Variants in CDK6 observed in about 807,000 individuals in gnomAD.
CDK6 encodes the protein cyclin-dependent kinase 6.
CDK6 carries 6 observed loss-of-function variants against 37.1 expected under a neutral mutation model. The ratio of observed to expected loss-of-function variants is 0.16; its 90% CI spans 0.09 to 0.32. CDK6 has a LOEUF of 0.32. Among genes scored for constraint, CDK6 ranks in the 10% least tolerant of loss-of-function variants. CDK6 has a pLI of 1.00. For missense variants in CDK6, 224 were observed against 418.9 expected, an observed-to-expected ratio of 0.53 and a Z score of 4.06; for synonymous variants, 160 against 161.3, an observed-to-expected ratio of 0.99 and a Z score of 0.06.
At chr7:92,664,492 C>T (rs889935081) in intron 5 of CDK6, among the ~76,000 whole-genome samples, 2 of 152,186 alleles carry the variant, frequency 1.3e-5, no homozygotes, top group Non-Finnish European at 2.9e-5. Flanking sequence ...TGCTCACTGA[C>T]CACTGACCCA....
intron 4 of CDK6, among the ~76,000 whole-genome samples, chr7:92,680,559 A>T (rs1274231950): frequency 1.3e-5 from 2 of 152,052 alleles, no homozygotes; most frequent in Non-Finnish European, 2.9e-5. Flanking sequence ...TGGCAAAAAA[A>T]TGTCTGAGGT....
intron 4 of CDK6, among the ~76,000 whole-genome samples, chr7:92,690,262 ACATTT>A (rs1314242805): frequency 1.3e-5 from 2 of 152,042 alleles, no homozygotes; most frequent in Non-Finnish European, 2.9e-5. Context: ...TTTGGGTTTT[ACATTT>A]AAGTCTTTAA....
At chr7:92,743,049 C>T (rs1016475365) in intron 3 of CDK6, among the ~76,000 whole-genome samples, 9 of 151,660 alleles carry the variant, frequency 5.9e-5, no homozygotes, top group Non-Finnish European at 7.4e-5. Context: ...GCTGCCCTTT[C>T]TCGGTGAAGA....
intron 2 of CDK6, among the ~76,000 whole-genome samples, chr7:92,822,912 T>A (rs1386149343): frequency 6.6e-6 from 1 of 152,084 alleles, no homozygotes; most frequent in Non-Finnish European, 1.5e-5. Flanking sequence ...CTACTCACTA[T>A]CCCAAGTTCT....
chr7:92,740,768 G>A lies in CDK6; in HGVS notation c.370-14975C>T, dbSNP rs117510511. Among the ~76,000 whole-genome samples, 31 of 152,246 alleles carry A rather than the reference G, an allele frequency of 2.0e-4. No individual in the cohort carries two copies. The East Asian group carries it at 5.6e-3, about 28-fold the overall frequency. ...ACAAGGATGCCTTGTCTCATGGAGC[G>A]AACAGTGAAGGCGGGAAACCGAATT... is the stretch of plus-strand genomic sequence containing the variant. On this transcript the variant is annotated intron_variant, in intron 3 of 7. Coordinates refer to ENST00000424848, the MANE Select transcript of CDK6 (RefSeq NM_001145306.2).
chr7:92,761,277 A>C (rs1185336451), intron 3 of CDK6, among the ~76,000 whole-genome samples: 1 of 152,180 alleles, frequency 6.6e-6, no homozygotes, highest in East Asian at 1.9e-4. Flanking sequence ...CATTTAAAAA[A>C]TTAATAATAG....
intron 5 of CDK6, among the ~76,000 whole-genome samples, chr7:92,624,652 C>T (rs939681059): frequency 2.0e-5 from 3 of 152,106 alleles, no homozygotes; most frequent in African/African-American, 4.8e-5. Context: ...CACGAAGTTG[C>T]GCTCTGAAAG....
At chr7:92,622,709 T>A (rs912920009) in intron 6 of CDK6, among the ~76,000 whole-genome samples, 1 of 152,014 alleles carries the variant, frequency 6.6e-6, no homozygotes, top group Admixed American at 6.6e-5. Context: ...AGGCATCCCA[T>A]CTCTGATGGT....
intron 5 of CDK6, among the ~76,000 whole-genome samples, chr7:92,632,542 A>G (rs1796076683): frequency 6.6e-6 from 1 of 152,168 alleles, no homozygotes; most frequent in Non-Finnish European, 1.5e-5. Flanking sequence ...AGTGTCTAGT[A>G]TTGTGAGTTT....
chr7:92,622,057 T>C (rs1585342829), intron 6 of CDK6, among the ~76,000 whole-genome samples: 2 of 150,518 alleles, frequency 1.3e-5, no homozygotes, highest in South Asian at 2.2e-4. Flanking sequence ...TAAAAATCAC[T>C]GGGATTCCTA....
At chr7:92,654,693 T>C (rs907343484) in intron 5 of CDK6, among the ~76,000 whole-genome samples, 4 of 152,150 alleles carry the variant, frequency 2.6e-5, no homozygotes, top group South Asian at 2.1e-4. Flanking sequence ...AACAGCACTA[T>C]GGAGCTCTCA....
chr7:92,782,463 A>G (rs1022118589), intron 2 of CDK6, among the ~76,000 whole-genome samples: 1 of 152,160 alleles, frequency 6.6e-6, no homozygotes, highest in African/African-American at 2.4e-5. Flanking sequence ...CCCTGGATTG[A>G]GTGATGATGA....
At chr7:92,756,816 G>T (rs891037422) in intron 3 of CDK6, among the ~76,000 whole-genome samples, 1 of 152,144 alleles carries the variant, frequency 6.6e-6, no homozygotes, top group Non-Finnish European at 1.5e-5. Flanking sequence ...GGCAAGAAGC[G>T]CAAGACCAGA....
Position 92,835,306 on chromosome 7 carries a change from G to C in CDK6, c.-368+1172C>G, listed in dbSNP as rs1185535690. 1 of 150,556 alleles carries C rather than the reference G, an allele frequency of 6.6e-6. No individual in the cohort carries two copies. The highest frequency in any genetic ancestry group is 2.5e-5 in the African/African-American group (1 of 40,692). 9.3% of individuals were successfully genotyped at this position (150,556 alleles called of 1,614,324 possible). ...CCCTCCCGCTCGAGTCTAGCCCCGGGCTCCGCAGCGAAGGAAGCGTCGGGG... is the reference window on the plus strand; with the variant it reads ...CCCTCCCGCTCGAGTCTAGCCCCGGCCTCCGCAGCGAAGGAAGCGTCGGGG... On this transcript the variant is annotated intron_variant, in intron 1 of 7. Coordinates refer to ENST00000424848, the MANE Select transcript of CDK6 (RefSeq NM_001145306.2). The surrounding 1 kb of genome is among the most constrained non-coding windows in gnomAD (Gnocchi z 4.2).
intron 2 of CDK6, among the ~76,000 whole-genome samples, chr7:92,785,995 G>C (rs1052618597): frequency 1.3e-4 from 20 of 152,168 alleles, no homozygotes; most frequent in African/African-American, 4.6e-4. Context: ...ACCCGACAGA[G>C]CTTGAAAAAG....
chr7:92,640,902 T>C (rs889672001), intron 5 of CDK6, among the ~76,000 whole-genome samples: 10 of 152,322 alleles, frequency 6.6e-5, no homozygotes, highest in African/African-American at 2.4e-4. Flanking sequence ...CCTTAAAGTC[T>C]TGCAAATTTC....
intron 5 of CDK6, among the ~76,000 whole-genome samples, chr7:92,639,184 A>G (rs1585358084): frequency 6.6e-6 from 1 of 152,212 alleles, no homozygotes; most frequent in Admixed American, 6.5e-5. Context: ...GCCTCCTTAA[A>G]GTTCTTGAAA....
chr7:92,679,015 G>A lies in CDK6; in HGVS notation c.538-7480C>T, dbSNP rs143015780. On this transcript the variant is annotated intron_variant, in intron 4 of 7. Coordinates refer to ENST00000424848, the MANE Select transcript of CDK6 (RefSeq NM_001145306.2). ...TAACTGCTTCCCCTCTTCTTCTAGG[G>A]CCTGGGAATGGTAATGAACTGACTG... 5.1e-3 allele frequency among the ~76,000 whole-genome samples: 775 copies of A among 152,224 alleles called. 7 individuals are homozygous for A. Among genetic ancestry groups the A allele is most frequent in the African/African-American group, 0.018 (739 of 41,538 alleles).
At chr7:92,830,749 G>A (rs1028783139) in intron 2 of CDK6, among the ~76,000 whole-genome samples, 1 of 152,198 alleles carries the variant, frequency 6.6e-6, no homozygotes, top group African/African-American at 2.4e-5. Flanking sequence ...TGTAGCTCAT[G>A]AGGGTGACAT....
Sources: gnomAD v4.1 joint callset for allele counts (sites outside exome capture counted in the v4.1 genomes callset) on GRCh38, gnomAD v4.1.1 for gene constraint, Gnocchi (gnomAD v3.1) non-coding constraint, MANE v1.5 for transcripts, NCBI Gene and HGNC (gene_info 2026-07-23, HGNC 2026-07-21) for gene names.